The following ANK3 variants were observed in gnomAD, a reference collection of about 807,000 sequenced individuals.
The protein encoded by ANK3 is ankyrin-3.
A neutral mutation model predicts 370.9 loss-of-function variants in ANK3; 57 were observed. The ratio of observed to expected loss-of-function variants is 0.15; its 90% CI spans 0.12 to 0.19. The LOEUF is 0.19. Among genes scored for constraint, ANK3 ranks in the 10% least tolerant of loss-of-function variants. The probability of loss-of-function intolerance (pLI) is 1.00; values close to 1 mark genes in which losing one functional copy is unlikely to be tolerated. For synonymous variants in ANK3, 1,929 were observed against 1,946.3 expected (o/e 0.99, Z 0.23); for missense variants, 4,439 against 5,302.1 (o/e 0.84, Z 5.06).
chr10:60,594,334 C>T (rs2077957785), intron 2 of ANK3, among the ~76,000 whole-genome samples: 1 of 152,136 alleles, frequency 6.6e-6, no homozygotes, highest in Admixed American at 6.5e-5. Context: ...CTTTCACACC[C>T]ATCATACTAG....
intron 2 of ANK3, among the ~76,000 whole-genome samples, chr10:60,494,116 C>CA (rs2133127742): frequency 6.6e-6 from 1 of 152,242 alleles, no homozygotes; most frequent in South Asian, 2.1e-4. Context: ...ACTAATCTAT[C>CA]AACCAGATCC....
intron 1 of ANK3, among the ~76,000 whole-genome samples, chr10:60,648,953 T>C (rs1165293105): frequency 3.3e-5 from 5 of 152,036 alleles, no homozygotes; most frequent in African/African-American, 1.2e-4. Context: ...AACCATAACC[T>C]GCAGGGTGAG....
intron 1 of ANK3, among the ~76,000 whole-genome samples, chr10:60,665,040 G>A (rs1478892662): frequency 2.0e-5 from 3 of 152,064 alleles, no homozygotes; most frequent in Admixed American, 2.0e-4. Context: ...TGCCTCAGAG[G>A]AAAGAATGAG....
chr10:60,067,792 T>G (rs1172825105), intron 38 of ANK3, 143 bp downstream of exon 38: 1 of 557,192 alleles, frequency 1.8e-6, no homozygotes, highest in Admixed American at 3.1e-5. Flanking sequence ...TATTTATCTC[T>G]GGGTAGATAA....
chr10:60,564,516 T>C (rs1033102777), intron 2 of ANK3, among the ~76,000 whole-genome samples: 4 of 152,170 alleles, frequency 2.6e-5, no homozygotes, highest in African/African-American at 9.7e-5. Context: ...ACCAACTTAG[T>C]AAGAGGGCAT....
chr10:60,645,596 G>A (rs551957702), intron 1 of ANK3, among the ~76,000 whole-genome samples: 3 of 152,014 alleles, frequency 2.0e-5, no homozygotes, highest in African/African-American at 7.3e-5. Flanking sequence ...ATGGTGGTGG[G>A]TGCCTGTAAT....
chr10:60,440,729 G>A (rs77294929), intron 2 of ANK3, among the ~76,000 whole-genome samples: 3,572 of 152,210 alleles, frequency 0.023, 146 homozygotes, highest in African/African-American at 0.08. Flanking sequence ...TTGCATCTTT[G>A]TCATGTTTCT....
At chr10:60,733,368 C>T in exon 1 of ANK3, 3 of 1,225,378 alleles carry the variant, frequency 2.4e-6, no homozygotes, top group Non-Finnish European at 3.1e-6. Context: ...AGTCTCTCCT[C>T]CCCGTCCCGC....
chr10:60,117,930 G>A (rs1428448865), intron 25 of ANK3, among the ~76,000 whole-genome samples: 1 of 152,188 alleles, frequency 6.6e-6, no homozygotes, highest in Non-Finnish European at 1.5e-5. Flanking sequence ...ACAACTGTTT[G>A]CGGAAATGGG....
intron 2 of ANK3, among the ~76,000 whole-genome samples, chr10:60,615,001 C>T (rs542441954): frequency 1.1e-4 from 16 of 152,026 alleles, no homozygotes; most frequent in African/African-American, 2.4e-4. Context: ...CTCCACTAGG[C>T]GAGAGTATAA....
intron 1 of ANK3, among the ~76,000 whole-genome samples, chr10:60,344,377 A>G (rs2054939972): frequency 6.6e-6 from 1 of 152,244 alleles, no homozygotes; most frequent in Non-Finnish European, 1.5e-5. Flanking sequence ...GAATAAAACA[A>G]TAATATAGTT....
intron 2 of ANK3, among the ~76,000 whole-genome samples, chr10:60,566,371 C>T (rs1322362476): frequency 6.6e-6 from 1 of 152,142 alleles, no homozygotes; most frequent in East Asian, 1.9e-4. Flanking sequence ...GCAAAAGCTA[C>T]AAATGATTAA....
intron 30 of ANK3, among the ~76,000 whole-genome samples, chr10:60,086,071 T>G (rs2086622737): frequency 6.6e-6 from 1 of 152,232 alleles, no homozygotes; most frequent in South Asian, 2.1e-4. Flanking sequence ...AATCTATCTT[T>G]AATAATCTTG....
chr10:60,440,942 A>G (rs2064285686), intron 2 of ANK3, among the ~76,000 whole-genome samples: 2 of 152,212 alleles, frequency 1.3e-5, no homozygotes, highest in African/African-American at 4.8e-5. Flanking sequence ...CGCCAGTTTT[A>G]AAATACTGAG....
chr10:60,038,887 G>T (rs943670545), intron 43 of ANK3, among the ~76,000 whole-genome samples: 3 of 152,122 alleles, frequency 2.0e-5, no homozygotes, highest in Non-Finnish European at 4.4e-5. Context: ...TGTACCCTTT[G>T]CTTGGGGTCC....
chr10:60,073,731 G>A lies in ANK3; in HGVS notation c.7150C>T (p.Pro2384Ser). 1.9e-6 allele frequency: 3 copies of A among 1,613,896 alleles called. No homozygotes were observed. The highest frequency in any genetic ancestry group is 2.5e-6 in the Non-Finnish European group (3 of 1,180,002). The change falls in exon 37 of 44, where the codon CCT becomes TCT. Residue 2384 changes from proline to serine, a missense_variant. Pro to Ser is a moderately conservative substitution (Grantham distance 74). This residue lies in a region of ANK3 where 1,601 missense variants were observed against 1,731.7 expected (regional missense o/e 0.92). Coordinates refer to ENST00000280772, the MANE Select transcript of ANK3 (RefSeq NM_020987.5). ...DFLPEKHDAF[P>S]CSEEQGQQEE... ...TGCTGACCCTGTTCCTCTGAACAAG[G>A]AAAAGCATCGTGTTTTTCTGGCAGA...
chr10:60,535,683 C>A (rs946111960), intron 2 of ANK3, among the ~76,000 whole-genome samples: 1 of 151,992 alleles, frequency 6.6e-6, no homozygotes, highest in Non-Finnish European at 1.5e-5. Flanking sequence ...ATTCCCCTCA[C>A]AGGGCAAATA....
At chr10:60,649,541 T>A (rs2133360700) in intron 1 of ANK3, among the ~76,000 whole-genome samples, 1 of 152,294 alleles carries the variant, frequency 6.6e-6, no homozygotes, top group African/African-American at 2.4e-5. Flanking sequence ...TTATGTGAAA[T>A]CAATTCAGCT....
At chr10:60,549,008 A>C (rs2077032508) in intron 2 of ANK3, among the ~76,000 whole-genome samples, 1 of 152,188 alleles carries the variant, frequency 6.6e-6, no homozygotes, top group Non-Finnish European at 1.5e-5. Context: ...TATTGTGGGC[A>C]TTTCCAATTC....
Sources: allele counts gnomAD v4.1 joint callset (sites outside exome capture counted in the v4.1 genomes callset), GRCh38; gene constraint gnomAD v4.1.1; regional missense constraint gnomAD v4.1.1; transcripts MANE v1.5; gene names NCBI Gene and HGNC (gene_info 2026-07-23, HGNC 2026-07-21).